GKAP1: variants seen among roughly 807,000 people sequenced by gnomAD.
GKAP1 encodes G kinase-anchoring protein 1.
GKAP1 carries 31 observed loss-of-function variants against 56.7 expected under a neutral mutation model. The ratio of observed to expected loss-of-function variants is 0.55; its 90% CI spans 0.41 to 0.74. The LOEUF (loss-of-function observed/expected upper bound fraction) is 0.74, where lower values mean the gene tolerates loss of function less well. Among genes scored for constraint, GKAP1 ranks in the 30% least tolerant of loss-of-function variants. GKAP1 has a pLI of 0.00. For synonymous variants in GKAP1, 151 were observed against 138.6 expected, an observed-to-expected ratio of 1.09 and a Z score of -0.63; for missense variants, 364 against 402.3, an observed-to-expected ratio of 0.90 and a Z score of 0.82.
At chr9:83,750,284 C>T (rs1943366335) in intron 9 of GKAP1, among the ~76,000 whole-genome samples, 1 of 152,066 alleles carries the variant, frequency 6.6e-6, no homozygotes, top group Non-Finnish European at 1.5e-5. Context: ...ACATAACATT[C>T]TTGCTAGCAT....
intron 7 of GKAP1, among the ~76,000 whole-genome samples, chr9:83,779,294 C>T (rs1423128145): frequency 6.6e-6 from 1 of 151,516 alleles, no homozygotes; most frequent in East Asian, 1.9e-4. Flanking sequence ...TCTGTGTTTG[C>T]ATGCATAGTT....
intron 7 of GKAP1, among the ~76,000 whole-genome samples, chr9:83,771,526 A>G (rs959728775): frequency 1.3e-5 from 2 of 152,228 alleles, no homozygotes; most frequent in Non-Finnish European, 2.9e-5. Flanking sequence ...AGTGCTTACT[A>G]TATGAATGAC....
intron 5 of GKAP1, among the ~76,000 whole-genome samples, chr9:83,785,061 C>T (rs1161142172): frequency 6.6e-6 from 1 of 152,082 alleles, no homozygotes; most frequent in Non-Finnish European, 1.5e-5. Flanking sequence ...CATACCTTGG[C>T]CTATAACCCC....
chr9:83,799,128 T>C lies in GKAP1; in HGVS notation c.360+57A>G, dbSNP rs1564211118. Reference sequence around the variant, plus strand: ...TGACGTGAATTCAGAGGCACTGCCATGTGAAAAATCCATAAATTCAATGAA... The same window carrying C: ...TGACGTGAATTCAGAGGCACTGCCACGTGAAAAATCCATAAATTCAATGAA... On this transcript the variant is annotated intron_variant, in intron 4 of 12. Coordinates refer to ENST00000376371, the MANE Select transcript of GKAP1 (RefSeq NM_025211.4). 3.4e-6 allele frequency: 5 copies of C among 1,456,564 alleles called. No individual in the cohort carries two copies. In the Admixed American group the frequency reaches 5.1e-5, roughly 15 times the overall value. The allele number at this position is 1,456,564 out of a possible 1,614,324, so 90.2% of individuals were successfully genotyped here. A position where few individuals can be genotyped will look rare whatever the true frequency, so the allele number is the denominator to read the frequency against.
At chr9:83,797,159 T>C (rs1477870138) in intron 4 of GKAP1, among the ~76,000 whole-genome samples, 1 of 152,236 alleles carries the variant, frequency 6.6e-6, no homozygotes, top group Admixed American at 6.5e-5. Context: ...TAAGGCTTAG[T>C]TGATGTAAAT....
At chr9:83,758,393 T>A (rs1943511875) in intron 8 of GKAP1, among the ~76,000 whole-genome samples, 1 of 152,276 alleles carries the variant, frequency 6.6e-6, no homozygotes, top group East Asian at 1.9e-4. Flanking sequence ...GTAATTATTT[T>A]AAAATACCTA....
At chr9:83,798,111 T>A (rs1944276618) in intron 4 of GKAP1, among the ~76,000 whole-genome samples, 1 of 152,144 alleles carries the variant, frequency 6.6e-6, no homozygotes, top group Non-Finnish European at 1.5e-5. Flanking sequence ...AAAGAAAATG[T>A]TATAATTAGC....
intron 2 of GKAP1, among the ~76,000 whole-genome samples, chr9:83,810,133 C>T (rs937939912): frequency 6.6e-6 from 1 of 152,092 alleles, no homozygotes; most frequent in Non-Finnish European, 1.5e-5. Context: ...ATTTTTATCG[C>T]AAGAAATTTT....
intron 4 of GKAP1, among the ~76,000 whole-genome samples, chr9:83,790,786 T>C (rs933400207): frequency 1.3e-5 from 2 of 151,978 alleles, no homozygotes; most frequent in Non-Finnish European, 2.9e-5. Flanking sequence ...CACTCCAGAC[T>C]AGATGACAGA....
At chr9:83,794,910 T>G (rs1021289931) in intron 4 of GKAP1, among the ~76,000 whole-genome samples, 6 of 151,930 alleles carry the variant, frequency 3.9e-5, no homozygotes, top group African/African-American at 1.5e-4. Context: ...AGCACTTTGG[T>G]AGGTGGAGGT....
chr9:83,806,239 G>T, intron 3 of GKAP1, 63 bp downstream of exon 3: 2 of 1,051,578 alleles, frequency 1.9e-6, no homozygotes, highest in Non-Finnish European at 2.8e-6. Context: ...GAACAAGATA[G>T]TATCTGTTCT....
chr9:83,784,936 TA>T (rs769448921), intron 5 of GKAP1, 98 bp from the exon 6 acceptor site: 258 of 1,063,156 alleles, frequency 2.4e-4, no homozygotes, highest in Non-Finnish European at 3.1e-4. Context: ...TTTTTAAAGA[TA>T]AAAGGCAAAT....
intron 4 of GKAP1, among the ~76,000 whole-genome samples, chr9:83,790,373 T>G (rs550371685): frequency 2.0e-5 from 3 of 152,166 alleles, no homozygotes; most frequent in Non-Finnish European, 4.4e-5. Flanking sequence ...TACATGGGTA[T>G]TCAATGGTTA....
At chr9:83,757,586 C>G (rs2131249998) in intron 8 of GKAP1, among the ~76,000 whole-genome samples, 1 of 152,170 alleles carries the variant, frequency 6.6e-6, no homozygotes, top group South Asian at 2.1e-4. Context: ...GTACTTAATT[C>G]AACAGACACT....
chr9:83,755,277 T>C (rs1221186081), intron 8 of GKAP1, among the ~76,000 whole-genome samples: 1 of 152,090 alleles, frequency 6.6e-6, no homozygotes, highest in East Asian at 1.9e-4. Context: ...ATATAGTAAA[T>C]TCAAAAACTG....
At chr9:83,746,662 C>A (rs1943300269) in intron 10 of GKAP1, among the ~76,000 whole-genome samples, 1 of 151,932 alleles carries the variant, frequency 6.6e-6, no homozygotes, top group Non-Finnish European at 1.5e-5. Flanking sequence ...CCACCACACT[C>A]CAGCCTGGGC....
chr9:83,795,442 C>T (rs1486384228), intron 4 of GKAP1, among the ~76,000 whole-genome samples: 2 of 152,050 alleles, frequency 1.3e-5, no homozygotes, highest in Admixed American at 6.6e-5. Context: ...ATTGAACTAG[C>T]TTAAATACTC....
intron 8 of GKAP1, among the ~76,000 whole-genome samples, chr9:83,763,587 GA>G (rs1943611122): frequency 6.6e-6 from 1 of 151,994 alleles, no homozygotes; most frequent in African/African-American, 2.4e-5. Context: ...AAAGAGCAAA[GA>G]AAACCCAAAT....
intron 4 of GKAP1, among the ~76,000 whole-genome samples, chr9:83,793,793 A>T (rs1055618117): frequency 2.0e-5 from 3 of 152,246 alleles, no homozygotes; most frequent in Non-Finnish European, 4.4e-5. Context: ...GGAAAGTTAT[A>T]AACAGAAAAT....
Sources: gnomAD v4.1 joint callset for allele counts (sites outside exome capture counted in the v4.1 genomes callset) on GRCh38, gnomAD v4.1.1 for gene constraint, MANE v1.5 for transcripts, NCBI Gene and HGNC (gene_info 2026-07-23, HGNC 2026-07-21) for gene names.